The following SLC26A8 variants were observed in gnomAD, a reference collection of about 807,000 sequenced individuals.
The protein encoded by SLC26A8 is solute carrier family 26 member 8, also known as testis anion transporter 1.
SLC26A8 carries 70 observed loss-of-function variants against 105.0 expected under a neutral mutation model. That is an observed-to-expected ratio of 0.67 (90% CI 0.55 to 0.81). SLC26A8 has a LOEUF of 0.81. Among genes scored for constraint, SLC26A8 ranks in the 40% least tolerant of loss-of-function variants. The probability of loss-of-function intolerance (pLI) is 0.00; values close to 1 mark genes in which losing one functional copy is unlikely to be tolerated. For synonymous variants in SLC26A8, 415 were observed against 438.3 expected (o/e 0.95, Z 0.66); for missense variants, 998 against 1,181.8 (o/e 0.84, Z 2.28).
chr6:35,974,211 G>A (rs898748629), intron 10 of SLC26A8, among the ~76,000 whole-genome samples: 12 of 152,140 alleles, frequency 7.9e-5, no homozygotes, highest in Admixed American at 2.0e-4. Context: ...CCAGCTACTC[G>A]GGAGGCTGAG....
chr6:35,989,672 C>T (rs1187948189), intron 7 of SLC26A8: 1 of 152,138 alleles, frequency 6.6e-6, no homozygotes, highest in Non-Finnish European at 1.5e-5. Flanking sequence ...ACAACAAAGT[C>T]ATCTGTAGGG....
chr6:35,986,024 C>CTTTTTTTTT (rs34715373), intron 7 of SLC26A8, among the ~76,000 whole-genome samples: 1 of 71,320 alleles, frequency 1.4e-5, no homozygotes, highest in Non-Finnish European at 2.7e-5. Flanking sequence ...ACATATACAT[C>CTTTTTTTTT]TTTTTTTTTT....
chr6:36,004,820 A>ATTTT (rs750395557), intron 3 of SLC26A8, among the ~76,000 whole-genome samples: 3 of 122,008 alleles, frequency 2.5e-5, no homozygotes, highest in Non-Finnish European at 3.4e-5. Context: ...ACCTAGTTAA[A>ATTTT]TTTTTTTTTT....
chr6:35,967,534 A>T (rs1772565143), intron 11 of SLC26A8, among the ~76,000 whole-genome samples: 1 of 152,212 alleles, frequency 6.6e-6, no homozygotes, highest in Non-Finnish European at 1.5e-5. Context: ...AAAGGGAAGA[A>T]TGACACATTT....
chr6:36,011,152 C>T (rs960822897), intron 3 of SLC26A8, among the ~76,000 whole-genome samples: 11 of 152,076 alleles, frequency 7.2e-5, no homozygotes, highest in African/African-American at 2.7e-4. Flanking sequence ...TTTATAAAAC[C>T]CATTCTATTT....
chr6:35,965,378 A>G (rs952226538), intron 11 of SLC26A8, among the ~76,000 whole-genome samples: 1 of 152,146 alleles, frequency 6.6e-6, no homozygotes, highest in Admixed American at 6.5e-5. Flanking sequence ...ACTTTTAAGA[A>G]GCATTTTTGC....
Position 35,960,835 on chromosome 6 carries a change from A to G in SLC26A8, c.1638+8T>C, listed in dbSNP as rs1446119487. 1 of 1,613,964 alleles carries G rather than the reference A, an allele frequency of 6.2e-7. No homozygotes were observed. Among genetic ancestry groups the G allele is most frequent in the South Asian group, 1.1e-5 (1 of 91,066 alleles). On this transcript the variant is annotated splice_region_variant and intron_variant, in intron 14 of 19. Coordinates refer to ENST00000490799, the MANE Select transcript of SLC26A8 (RefSeq NM_052961.4). The stretch of plus-strand genomic sequence containing the variant: ...AGGCAGAGAAATGGGACCCATTTGG[A>G]TTCTTACCTCCCGATAATCATTGAT...
Position 36,004,451 on chromosome 6 carries a change from T to C in SLC26A8, c.329-4343A>G, listed in dbSNP as rs146607970. On this transcript the variant is annotated intron_variant, in intron 3 of 19. Coordinates refer to ENST00000490799, the MANE Select transcript of SLC26A8 (RefSeq NM_052961.4). ...TTACTATTTTCTTTGTTTTTCTTTT[T>C]TTATGCCTTTTTAAAATTTTTTTTG... Among the ~76,000 whole-genome samples the C allele has an allele frequency of 8.5e-4, 130 of 152,334 alleles. 2 individuals carry two copies. In the East Asian group the frequency reaches 0.024, roughly 28 times the overall value.
intron 10 of SLC26A8, among the ~76,000 whole-genome samples, chr6:35,973,911 G>A (rs1169312392): frequency 2.0e-5 from 3 of 152,086 alleles, no homozygotes; most frequent in Non-Finnish European, 2.9e-5. Context: ...CTCATTCCCC[G>A]GGCAACCCCA....
At chr6:35,974,690 C>A (rs1772926693) in intron 10 of SLC26A8, among the ~76,000 whole-genome samples, 1 of 152,162 alleles carries the variant, frequency 6.6e-6, no homozygotes, top group South Asian at 2.1e-4. Context: ...CATCTTCCCA[C>A]AGGGGGAAAG....
intron 3 of SLC26A8, among the ~76,000 whole-genome samples, chr6:36,004,470 T>G (rs116721972): frequency 0.014 from 2,062 of 152,288 alleles, 52 homozygotes; most frequent in African/African-American, 0.047. Flanking sequence ...TTTTAAAATT[T>G]TTTTTGCTTT....
intron 1 of SLC26A8, among the ~76,000 whole-genome samples, chr6:36,022,929 C>A (rs1398200671): frequency 6.7e-6 from 1 of 150,322 alleles, no homozygotes; most frequent in African/African-American, 2.4e-5. Flanking sequence ...GGCCATCAGT[C>A]TGTTTTAAGA....
chr6:35,950,755 T>G (rs1453801166), intron 19 of SLC26A8, among the ~76,000 whole-genome samples: 1 of 152,190 alleles, frequency 6.6e-6, no homozygotes, highest in Non-Finnish European at 1.5e-5. Flanking sequence ...TTATTATTCA[T>G]CCCAAGAGTG....
intron 7 of SLC26A8, chr6:35,990,434 T>G (rs1729865344): frequency 6.3e-6 from 1 of 158,686 alleles, no homozygotes. Flanking sequence ...GGGCCGTTCA[T>G]TTCCTCCTTG....
In SLC26A8 at chr6:35,997,774, C is replaced by T; in HGVS notation, c.591G>A (p.Val197=). ...YLMGYNKSLS[V]VATTTFLTGI... is the part of the protein sequence containing the mutation. ...CAGTCAGAAAAGTTGTGGTTGCCAC[C>T]ACACTCAAGGATTTATTATAGCCCA... is the stretch of plus-strand genomic sequence containing the variant. The change falls in exon 5 of 20, where the codon GTG becomes GTA. Residue 197 remains valine (V), a synonymous_variant. Transcript: ENST00000490799. The T allele has an allele frequency of 6.2e-7, 1 of 1,614,116 alleles. No individual in the cohort carries two copies. Among genetic ancestry groups the T allele is most frequent in the Non-Finnish European group, 8.5e-7 (1 of 1,180,020 alleles).
intron 9 of SLC26A8, 31 bp downstream of exon 9, chr6:35,977,173 T>C: frequency 6.3e-7 from 1 of 1,595,994 alleles, no homozygotes; most frequent in South Asian, 1.1e-5. Context: ...AACAAAGAGT[T>C]AAGGATCAGA....
intron 11 of SLC26A8, among the ~76,000 whole-genome samples, chr6:35,964,898 C>A (rs551739085): frequency 6.7e-6 from 1 of 149,488 alleles, no homozygotes; most frequent in South Asian, 2.1e-4. Flanking sequence ...ACCTGGGAGG[C>A]AGAGGTTGCA....
intron 10 of SLC26A8, among the ~76,000 whole-genome samples, chr6:35,970,668 T>C (rs1036771649): frequency 3.9e-5 from 6 of 152,178 alleles, no homozygotes; most frequent in Non-Finnish European, 8.8e-5. Context: ...CCACTTTTTT[T>C]CTCCAAAATT....
In SLC26A8 at chr6:35,954,952, A is replaced by G. The variant is rs1771998895; in HGVS notation, c.2232+200T>C. ...AGAGTGAGGCTCCATCTCAAAAAAG[A>G]AAAAAGAAAAAAGAATTGGTTCATT... On this transcript the variant is annotated intron_variant, in intron 17 of 19. Transcript: ENST00000490799. 6.4e-6 allele frequency: 4 copies of G among 629,392 alleles called. No homozygotes were observed. The African/African-American group carries it at 7.4e-5, about 12-fold the overall frequency. The allele number at this position is 629,392 out of a possible 1,614,324, so 39.0% of individuals were successfully genotyped here.
Sources: allele counts gnomAD v4.1 joint callset (sites outside exome capture counted in the v4.1 genomes callset), GRCh38; gene constraint gnomAD v4.1.1; transcripts MANE v1.5; gene names NCBI Gene and HGNC (gene_info 2026-07-23, HGNC 2026-07-21).